Variants in ITGA8 observed in about 807,000 individuals in gnomAD.
ITGA8 encodes the protein integrin alpha-8.
A neutral mutation model predicts 142.3 loss-of-function variants in ITGA8; 91 were observed. That is an observed-to-expected ratio of 0.64 (90% CI 0.54 to 0.76). The LOEUF is 0.76. Ranked by LOEUF, ITGA8 falls within the 30% of genes least tolerant of loss-of-function variation. The pLI is 0.00. For missense variants in ITGA8, 1,406 were observed against 1,327.7 expected (o/e 1.06, Z -0.92); for synonymous variants, 505 against 485.2 (o/e 1.04, Z -0.54).
chr10:15,554,799 T>G (rs1282480952), intron 26 of ITGA8, among the ~76,000 whole-genome samples: 1 of 151,780 alleles, frequency 6.6e-6, no homozygotes, highest in Non-Finnish European at 1.5e-5. Context: ...TTCCACAGGC[T>G]GTACAGGAAG....
At chr10:15,521,509 G>A (rs1833069384) in intron 28 of ITGA8, among the ~76,000 whole-genome samples, 1 of 152,322 alleles carries the variant, frequency 6.6e-6, no homozygotes, top group East Asian at 1.9e-4. Context: ...GGACAGAGGA[G>A]TGAGATAGGG....
intron 11 of ITGA8, among the ~76,000 whole-genome samples, chr10:15,647,487 G>C (rs535855975): frequency 6.8e-5 from 8 of 117,200 alleles, no homozygotes; most frequent in Non-Finnish European, 1.1e-4. Flanking sequence ...ACGGAGTCTC[G>C]CTCTGTCGCC....
At chr10:15,526,253 C>T (rs534600954) in intron 28 of ITGA8, among the ~76,000 whole-genome samples, 23 of 151,478 alleles carry the variant, frequency 1.5e-4, no homozygotes, top group African/African-American at 5.6e-4. Flanking sequence ...CTGGGCTCAT[C>T]GCAACCTCCG....
intron 2 of ITGA8, among the ~76,000 whole-genome samples, chr10:15,700,848 C>G (rs1234550695): frequency 6.6e-6 from 1 of 152,124 alleles, no homozygotes; most frequent in African/African-American, 2.4e-5. Flanking sequence ...TCCCATTACC[C>G]CTTTACATTG....
At chr10:15,559,872 T>C (rs1409895059) in intron 25 of ITGA8, among the ~76,000 whole-genome samples, 1 of 151,806 alleles carries the variant, frequency 6.6e-6, no homozygotes, top group East Asian at 1.9e-4. Flanking sequence ...AGCTAATGCA[T>C]GTTGGGCTTA....
intron 13 of ITGA8, among the ~76,000 whole-genome samples, chr10:15,629,633 A>G (rs1833649354): frequency 6.6e-6 from 1 of 152,066 alleles, no homozygotes; most frequent in Non-Finnish European, 1.5e-5. Flanking sequence ...AGCCCTTAAA[A>G]TTGTCTTCAG....
chr10:15,690,239 C>G (rs1356015173), intron 2 of ITGA8, among the ~76,000 whole-genome samples: 29 of 152,140 alleles, frequency 1.9e-4, no homozygotes, highest in Non-Finnish European at 2.9e-4. Context: ...ACTGCTGTGT[C>G]CAGCACTCCA....
intron 3 of ITGA8, among the ~76,000 whole-genome samples, chr10:15,687,715 T>G (rs986046918): frequency 6.6e-6 from 1 of 152,236 alleles, no homozygotes; most frequent in East Asian, 1.9e-4. Context: ...TTTGAAAATA[T>G]TTAACTGCTC....
At chr10:15,602,536 A>G (rs1833122324) in intron 20 of ITGA8, among the ~76,000 whole-genome samples, 1 of 152,116 alleles carries the variant, frequency 6.6e-6, no homozygotes, top group Non-Finnish European at 1.5e-5. Context: ...CCAGGTGTTC[A>G]AGACCAGCCT....
chr10:15,600,232 G>T (rs1039272444), intron 20 of ITGA8, among the ~76,000 whole-genome samples: 43 of 151,530 alleles, frequency 2.8e-4, no homozygotes, highest in African/African-American at 9.5e-4. Flanking sequence ...TTTACATTAG[G>T]TATATCTCCT....
chr10:15,634,155 C>T (rs1833731343), intron 13 of ITGA8, among the ~76,000 whole-genome samples: 1 of 152,142 alleles, frequency 6.6e-6, no homozygotes, highest in African/African-American at 2.4e-5. Flanking sequence ...GCAAGAAACA[C>T]TCTCTCTTTT....
At chr10:15,670,218 T>C (rs995668519) in intron 8 of ITGA8, among the ~76,000 whole-genome samples, 3 of 152,246 alleles carry the variant, frequency 2.0e-5, no homozygotes, top group Non-Finnish European at 4.4e-5. Context: ...AGATGGAAAA[T>C]GGTAAATACT....
chr10:15,654,611 T>G (rs547005292), intron 11 of ITGA8, among the ~76,000 whole-genome samples: 1 of 152,332 alleles, frequency 6.6e-6, no homozygotes, highest in African/African-American at 2.4e-5. Context: ...AAGTAAGTAT[T>G]CTTCAGATAT....
At chr10:15,682,671 A>G (rs1834759092) in intron 4 of ITGA8, among the ~76,000 whole-genome samples, 1 of 152,090 alleles carries the variant, frequency 6.6e-6, no homozygotes, top group Admixed American at 6.5e-5. Context: ...CCTGGACAAC[A>G]TGGCAGAAAC....
intron 23 of ITGA8, among the ~76,000 whole-genome samples, chr10:15,584,297 AAAAGAAAAG>A (rs1834474996): frequency 8.9e-6 from 1 of 111,768 alleles, no homozygotes; most frequent in African/African-American, 3.6e-5. Flanking sequence ...ACTGTCAAGA[AAAAGAAAAG>A]AAAAGAAAAG....
In ITGA8 at chr10:15,592,028, A is replaced by G. The variant is rs568462332; in HGVS notation, c.2291+197T>C. Among the ~76,000 whole-genome samples, 3 of 152,282 alleles carry G rather than the reference A, an allele frequency of 2.0e-5. No individual in the cohort carries two copies. The South Asian group carries it at 6.2e-4, about 32-fold the overall frequency. On this transcript the variant is annotated intron_variant, in intron 22 of 29. Transcript: ENST00000378076. ...CTCATAACTTGGTCTGTATAATTCAATCTCTTTTTCAAAACCCCTAAAATG... is the reference window on the plus strand; with the variant it reads ...CTCATAACTTGGTCTGTATAATTCAGTCTCTTTTTCAAAACCCCTAAAATG...
chr10:15,541,067 AAGTGGATATAAAGAG>A (rs1833559745), intron 27 of ITGA8, among the ~76,000 whole-genome samples: 1 of 152,206 alleles, frequency 6.6e-6, no homozygotes, highest in South Asian at 2.1e-4. Context: ...ACATGGGTAT[AAGTGGATATAAAGAG>A]AGTTGCCAAG....
intron 27 of ITGA8, among the ~76,000 whole-genome samples, chr10:15,533,566 G>A (rs1028077479): frequency 4.6e-5 from 7 of 152,078 alleles, no homozygotes; most frequent in South Asian, 2.1e-4. Flanking sequence ...TCTCAAATGC[G>A]TTTCCATGCT....
chr10:15,718,626 A>C lies in ITGA8; in HGVS notation c.343+140T>G, dbSNP rs970516358. 4.8e-6 allele frequency: 5 copies of C among 1,039,764 alleles called. No homozygotes were observed. In the East Asian group the frequency reaches 9.6e-5, roughly 20 times the overall value. The allele number at this position is 1,039,764 out of a possible 1,614,324, so 64.4% of individuals were successfully genotyped here. ...GAGAGTTGAAAAAACTGATTTCTCT[A>C]GAGACCCACATAGCCCACAATACGG... On this transcript the variant is annotated intron_variant, in intron 2 of 29. Coordinates refer to ENST00000378076, the MANE Select transcript of ITGA8 (RefSeq NM_003638.3).
Sources: gnomAD v4.1 joint callset for allele counts (sites outside exome capture counted in the v4.1 genomes callset) on GRCh38, gnomAD v4.1.1 for gene constraint, MANE v1.5 for transcripts, NCBI Gene and HGNC (gene_info 2026-07-23, HGNC 2026-07-21) for gene names.